Variants in CYB5R1 observed in about 807,000 individuals in gnomAD.
CYB5R1 encodes cytochrome b5 reductase 1, also known as NADH-cytochrome b5 reductase 1.
Under a neutral mutation model 37.4 loss-of-function variants are expected in CYB5R1, and 32 were observed. That is an observed-to-expected ratio of 0.86 (90% CI 0.65 to 1.15). CYB5R1 has a LOEUF of 1.15. CYB5R1 is among the 50% of genes most tolerant of loss of function. The pLI is 0.00. For synonymous variants in CYB5R1, 159 were observed against 155.2 expected (o/e 1.02, Z -0.18); for missense variants, 345 against 382.5 (o/e 0.90, Z 0.82).
At chr1:202,967,052 G>A in intron 1 of CYB5R1, 139 bp downstream of exon 1, 6 of 1,425,066 alleles carry the variant, frequency 4.2e-6, no homozygotes, top group Non-Finnish European at 5.7e-6. Flanking sequence ...GGATGTGCGG[G>A]ATCGGGACCC....
intron 7 of CYB5R1, 166 bp from the exon 8 acceptor site, chr1:202,963,331 A>ACC: frequency 1.6e-6 from 1 of 608,652 alleles, no homozygotes; most frequent in East Asian, 2.7e-5. Context: ...GATGAGGAGA[A>ACC]GAGGGGAACA....
intron 2 of CYB5R1, 32 bp downstream of exon 2, chr1:202,966,717 C>T (rs374614630): frequency 2.0e-5 from 32 of 1,612,752 alleles, no homozygotes; most frequent in South Asian, 6.6e-5. Context: ...CTGGTCCCCT[C>T]CTTCACCCTG....
At chr1:202,963,044 T>G in intron 8 of CYB5R1, 22 bp downstream of exon 8, 2 of 1,586,826 alleles carry the variant, frequency 1.3e-6, no homozygotes, top group Non-Finnish European at 1.7e-6. Context: ...GATAGTGGGA[T>G]GTCCAGAAAT....
intron 8 of CYB5R1, 92 bp from the exon 9 acceptor site, chr1:202,962,791 C>A (rs1655018047): frequency 1.3e-6 from 2 of 1,486,962 alleles, no homozygotes; most frequent in Non-Finnish European, 1.8e-6. Context: ...CCCTGAAAGG[C>A]TCTGGAGAAA....
At chr1:202,965,317 A>G in intron 5 of CYB5R1, 54 bp downstream of exon 5, 1 of 1,521,580 alleles carries the variant, frequency 6.6e-7, no homozygotes, top group South Asian at 1.3e-5. Flanking sequence ...TGCCAAGAGG[A>G]CTATGGGAAC....
At chr1:202,962,933 G>C (rs755090666) in intron 8 of CYB5R1, 133 bp downstream of exon 8, 2 of 977,296 alleles carry the variant, frequency 2.0e-6, no homozygotes, top group East Asian at 4.8e-5. Flanking sequence ...AGATCACTGT[G>C]TCTGTGCACT....
rs772974642 is a variant in CYB5R1 at position 202,967,254 on chromosome 1, A to G, written c.-49T>C. 18 of 1,395,204 alleles carry G rather than the reference A, an allele frequency of 1.3e-5. No homozygotes were observed. Among genetic ancestry groups the G allele is most frequent in the African/African-American group, 5.9e-5 (4 of 67,892 alleles). 86.4% of individuals were successfully genotyped at this position (1,395,204 alleles called of 1,614,324 possible). A position where few individuals can be genotyped will look rare whatever the true frequency, so the allele number is the denominator to read the frequency against. On this transcript the variant is annotated 5_prime_UTR_variant, in exon 1 of 9. Coordinates refer to ENST00000367249, the MANE Select transcript of CYB5R1 (RefSeq NM_016243.3). ...ACCTGACAAGCCGACAGATCCCACAATGCGCCGCGGGGCGGGTCGGAGGGC... is the reference window on the plus strand; with the variant it reads ...ACCTGACAAGCCGACAGATCCCACAGTGCGCCGCGGGGCGGGTCGGAGGGC...
At position 202,963,152 on chromosome 1, in the gene CYB5R1, A is replaced by T. The variant is rs1331477130; in HGVS notation, c.659T>A (p.Ile220Asn). 1.2e-6 allele frequency: 2 copies of T among 1,613,918 alleles called. No homozygotes were observed. Among genetic ancestry groups the T allele is most frequent in the Non-Finnish European group, 8.5e-7 (1 of 1,179,804 alleles). The stretch of plus-strand genomic sequence containing the variant: ...TTCCTCTAAGTCCTCCCGCAAGATG[A>T]TATCCTTTTCTGTCTGAAATGCAAA... Reference protein sequence around the residue: ...LLFANQTEKDIILREDLEELQ... With the variant: ...LLFANQTEKDNILREDLEELQ... The change falls in exon 8 of 9, where the codon ATC becomes AAC. Residue 220 changes from isoleucine to asparagine, a missense_variant. Ile to Asn is a moderately radical substitution (Grantham distance 149). Coordinates refer to ENST00000367249, the MANE Select transcript of CYB5R1 (RefSeq NM_016243.3).
intron 1 of CYB5R1, 21 bp from the exon 2 acceptor site, chr1:202,966,919 G>A (rs201743342): frequency 1.3e-6 from 2 of 1,584,480 alleles, no homozygotes; most frequent in East Asian, 2.3e-5. Context: ...AGGAGGCAGC[G>A]TGACCGCCAG....
rs760019986 is a variant in CYB5R1 at position 202,966,911 on chromosome 1, G to A, written c.16-13C>T. 2.5e-6 allele frequency: 4 copies of A among 1,593,162 alleles called. No homozygotes were observed. The highest frequency in any genetic ancestry group is 1.7e-6 in the Non-Finnish European group (2 of 1,170,058). ...GCAGGACGGGGCTCTGTGGGTAGAG[G>A]AGGCAGCGTGACCGCCAGGCTGGGT... On this transcript the variant is annotated splice_polypyrimidine_tract_variant and intron_variant, in intron 1 of 8. Coordinates refer to ENST00000367249, the MANE Select transcript of CYB5R1 (RefSeq NM_016243.3).
chr1:202,964,643 C>G lies in CYB5R1; in HGVS notation c.528G>C (p.Ala176=). The part of the protein sequence containing the change: ...NKKSPPEPRV[A]KKLGMIAGGT... ...CGCCGGCAATCATTCCCAGTTTCTT[C>G]GCCACTCGGGGTTCTGGTGGAGATT... is the stretch of plus-strand genomic sequence containing the variant. Residue 176 remains alanine (A), a synonymous_variant, in exon 6 of 9, where the codon GCG becomes GCC. Transcript: ENST00000367249. 2 of 1,613,782 alleles carry G rather than the reference C, an allele frequency of 1.2e-6. No individual in the cohort carries two copies. The highest frequency in any genetic ancestry group is 1.7e-6 in the Non-Finnish European group (2 of 1,179,768).
chr1:202,966,509 C>T lies in CYB5R1; in HGVS notation c.238+19G>A. The T allele has an allele frequency of 6.2e-7, 1 of 1,613,596 alleles. No homozygotes were observed. Among genetic ancestry groups the T allele is most frequent in the South Asian group, 1.1e-5 (1 of 91,062 alleles). On this transcript the variant is annotated intron_variant, in intron 3 of 8. Coordinates refer to ENST00000367249, the MANE Select transcript of CYB5R1 (RefSeq NM_016243.3). ...TCTGAGGATACCAGGGAAAGGAGCC[C>T]ATTCCACACTTTCCTTACCCACAGG...
intron 4 of CYB5R1, 83 bp from the exon 5 acceptor site, chr1:202,965,583 G>C: frequency 2.2e-6 from 3 of 1,393,976 alleles, no homozygotes; most frequent in South Asian, 2.9e-5. Flanking sequence ...CCTGAGGCTG[G>C]GGCAGGGATC....
intron 4 of CYB5R1, 129 bp from the exon 5 acceptor site, chr1:202,965,629 C>A (rs555206353): frequency 1.4e-4 from 117 of 855,732 alleles, no homozygotes; most frequent in African/African-American, 1.3e-3. Context: ...TACATACTTT[C>A]TTTCTTTCTT....
In CYB5R1 at chr1:202,962,647, C is replaced by T; in HGVS notation, c.798G>A (p.Leu266=). Residue 266 remains leucine (L), a synonymous_variant, in exon 9 of 9, where the codon CTG becomes CTA. Coordinates refer to ENST00000367249, the MANE Select transcript of CYB5R1 (RefSeq NM_016243.3). Reference sequence around the variant, plus strand: ...CCAGCACATCATCCCCTGGAGCGGGCAGGTGTTCCCGGATCATGTCGGCAG... The same window carrying T: ...CCAGCACATCATCCCCTGGAGCGGGTAGGTGTTCCCGGATCATGTCGGCAG... ...FVTADMIREH[L]PAPGDDVLVL... 6.2e-7 allele frequency: 1 copy of T among 1,614,148 alleles called. No homozygotes were observed. Among genetic ancestry groups the T allele is most frequent in the East Asian group, 2.2e-5 (1 of 44,876 alleles).
In CYB5R1 at chr1:202,966,790, C is replaced by T. The variant is rs770954057; in HGVS notation, c.124G>A (p.Asp42Asn). The T allele has an allele frequency of 6.2e-7, 1 of 1,614,194 alleles. No homozygotes were observed. The highest frequency in any genetic ancestry group is 8.5e-7 in the Non-Finnish European group (1 of 1,180,026). The change falls in exon 2 of 9, where the codon GAC becomes AAC. Residue 42 changes from aspartate (D) to asparagine (N), a missense_variant. Physicochemically the swap from Asp to Asn is conservative, Grantham distance 23. Transcript: ENST00000367249. ...RSRRPQVTLL[D>N]PNEKYLLRLL... Reference sequence around the variant, plus strand: ...CGTAGCAGGTACTTTTCATTGGGGTCCAGGAGAGTGACCTGAGGCCGGCGG... The same window carrying T: ...CGTAGCAGGTACTTTTCATTGGGGTTCAGGAGAGTGACCTGAGGCCGGCGG...
At position 202,966,600 on chromosome 1, in the gene CYB5R1, T is replaced by C; in HGVS notation, c.166A>G (p.Thr56Ala). The C allele has an allele frequency of 6.2e-7, 1 of 1,614,162 alleles. No individual in the cohort carries two copies. Among genetic ancestry groups the C allele is most frequent in the Non-Finnish European group, 8.5e-7 (1 of 1,180,024 alleles). ...AACCTCTTGGTGTTGTGGCTCACAG[T>C]CTGGAGGGTGGAGGACACAAGTGTT... ...KYLLRLLDKT[T>A]VSHNTKRFRF... The change falls in exon 3 of 9, where the codon ACT (threonine) becomes GCT (alanine). Residue 56 changes from threonine to alanine, a missense_variant and splice_region_variant. Transcript: ENST00000367249.
chr1:202,966,256 A>G (rs1243571046), intron 3 of CYB5R1: 1 of 594,384 alleles, frequency 1.7e-6, no homozygotes, highest in South Asian at 2.0e-5. Flanking sequence ...GCAATGGGAA[A>G]AAGTTAGTAG....
chr1:202,966,572 C>A lies in CYB5R1; in HGVS notation c.194G>T (p.Arg65Leu). 1 of 1,614,132 alleles carries A rather than the reference C, an allele frequency of 6.2e-7. No individual in the cohort carries two copies. Among genetic ancestry groups the A allele is most frequent in the African/African-American group, 1.3e-5 (1 of 75,022 alleles). The change falls in exon 3 of 9, where the codon CGC (arginine) becomes CTC (leucine). Residue 65 changes from arginine to leucine, a missense_variant. By Grantham distance (102) the Arg-to-Leu change is moderately radical (BLOSUM62 -2). Transcript: ENST00000367249. ...GTGGTGGGCGGTGGGCAGGGCAAAGCGGAACCTCTTGGTGTTGTGGCTCAC... is the reference window on the plus strand; with the variant it reads ...GTGGTGGGCGGTGGGCAGGGCAAAGAGGAACCTCTTGGTGTTGTGGCTCAC... ...TTVSHNTKRF[R>L]FALPTAHHTL...
Sources: gnomAD v4.1 joint callset for allele counts on GRCh38, gnomAD v4.1.1 for gene constraint, MANE v1.5 for transcripts, NCBI Gene and HGNC (gene_info 2026-07-23, HGNC 2026-07-21) for gene names.